PEAK1: variants seen among roughly 807,000 people sequenced by gnomAD.
PEAK1 encodes inactive tyrosine-protein kinase PEAK1.
PEAK1 carries 54 observed loss-of-function variants against 124.7 expected under a neutral mutation model. The ratio of observed to expected loss-of-function variants is 0.43; its 90% CI spans 0.35 to 0.54. The LOEUF is 0.54. PEAK1 is among the 20% of genes least tolerant of loss of function. The probability of loss-of-function intolerance (pLI) is 0.01; values close to 1 mark genes in which losing one functional copy is unlikely to be tolerated. For missense variants in PEAK1, 2,046 were observed against 2,134.5 expected, an observed-to-expected ratio of 0.96 and a Z score of 0.82; for synonymous variants, 719 against 760.0, an observed-to-expected ratio of 0.95 and a Z score of 0.89.
intron 2 of PEAK1, chr15:77,348,428 T>C (rs1406363719): frequency 2.1e-6 from 2 of 930,748 alleles, no homozygotes; most frequent in Non-Finnish European, 2.6e-6. Flanking sequence ...AAAAAACAGC[T>C]GATTTTTTAA....
intron 1 of PEAK1, among the ~76,000 whole-genome samples, chr15:77,414,207 CTTTTT>C (rs71145827): frequency 3.8e-4 from 26 of 67,918 alleles, no homozygotes; most frequent in African/African-American, 1.1e-3. Context: ...TTCTTTCCTT[CTTTTT>C]TTTTTTTTTT....
intron 5 of PEAK1, among the ~76,000 whole-genome samples, chr15:77,253,572 ATATC>A (rs1488392489): frequency 9.8e-5 from 15 of 152,326 alleles, no homozygotes; most frequent in African/African-American, 3.6e-4. Context: ...TTAACAATAA[ATATC>A]TAAGTTTTTA....
At chr15:77,213,220 A>G (rs1187813685) in intron 6 of PEAK1, among the ~76,000 whole-genome samples, 1 of 152,150 alleles carries the variant, frequency 6.6e-6, no homozygotes, top group African/African-American at 2.4e-5. Flanking sequence ...GAATCAAGGT[A>G]AAATAAAAAA....
intron 2 of PEAK1, among the ~76,000 whole-genome samples, chr15:77,298,187 G>T (rs1597171360): frequency 2.0e-5 from 2 of 101,266 alleles, no homozygotes; most frequent in Middle Eastern, 5.0e-3. Flanking sequence ...TCTTTTGTTT[G>T]GTATCCTTAA....
At chr15:77,266,049 C>T (rs905294869) in intron 5 of PEAK1, among the ~76,000 whole-genome samples, 1 of 150,402 alleles carries the variant, frequency 6.6e-6, no homozygotes, top group Non-Finnish European at 1.5e-5. Context: ...GGGAACTGAA[C>T]AATGAGAACA....
intron 6 of PEAK1, among the ~76,000 whole-genome samples, chr15:77,243,975 A>G (rs2060468344): frequency 6.9e-6 from 1 of 144,888 alleles, no homozygotes; most frequent in Non-Finnish European, 1.5e-5. Flanking sequence ...TCTCAAAATA[A>G]AAAAAAAAAA....
At chr15:77,251,535 TCAAAAAATAACAC>T (rs1353828064) in intron 6 of PEAK1, among the ~76,000 whole-genome samples, 4 of 152,058 alleles carry the variant, frequency 2.6e-5, no homozygotes, top group Non-Finnish European at 5.9e-5. Context: ...GAAATAAAGT[TCAAAAAATAACAC>T]CAAAAAATCC....
rs373080741 is a variant in PEAK1 at position 77,297,890 on chromosome 15, C to T, written c.-602-11386G>A. On this transcript the variant is annotated intron_variant, in intron 2 of 9. Coordinates refer to ENST00000682557, the MANE Select transcript of PEAK1 (RefSeq NM_001385026.1). The stretch of plus-strand genomic sequence containing the variant: ...TGGCTAACAAGGTGAAACCCCGTCT[C>T]TACTAAAAATACAAAAAATTAGCCG... Among the ~76,000 whole-genome samples the T allele has an allele frequency of 2.1e-4, 31 of 149,542 alleles. No homozygotes were observed. The East Asian group carries it at 6.0e-3, about 29-fold the overall frequency.
chr15:77,292,655 A>T (rs1316232996), intron 2 of PEAK1, among the ~76,000 whole-genome samples: 1 of 152,170 alleles, frequency 6.6e-6, no homozygotes, highest in Non-Finnish European at 1.5e-5. Context: ...AAATTTTTTT[A>T]CCACTCCGAG....
chr15:77,334,963 T>C (rs918357784), intron 2 of PEAK1: 6 of 985,244 alleles, frequency 6.1e-6, no homozygotes, highest in African/African-American at 1.7e-5. Flanking sequence ...TCTCAACAGA[T>C]TGCTAGTTGA....
intron 6 of PEAK1, among the ~76,000 whole-genome samples, chr15:77,251,140 C>T (rs1051633102): frequency 1.3e-5 from 2 of 152,002 alleles, no homozygotes; most frequent in Non-Finnish European, 2.9e-5. Flanking sequence ...TAGTAGAAAT[C>T]CAATGATTAA....
At chr15:77,393,397 G>A (rs1221111712) in intron 1 of PEAK1, among the ~76,000 whole-genome samples, 1 of 152,204 alleles carries the variant, frequency 6.6e-6, no homozygotes, top group Non-Finnish European at 1.5e-5. Flanking sequence ...CTTTTGAGAA[G>A]AAAGGGAAGA....
intron 6 of PEAK1, among the ~76,000 whole-genome samples, chr15:77,209,609 T>G (rs544888666): frequency 6.6e-6 from 1 of 152,280 alleles, no homozygotes; most frequent in East Asian, 1.9e-4. Context: ...AAGTCACAAA[T>G]TCCTTCTGCC....
chr15:77,311,931 A>G (rs574463263), intron 2 of PEAK1, among the ~76,000 whole-genome samples: 1 of 152,170 alleles, frequency 6.6e-6, no homozygotes, highest in African/African-American at 2.4e-5. Context: ...AAGATTTTAA[A>G]GTGCCTTTAG....
chr15:77,195,372 G>A (rs562085772), intron 6 of PEAK1, among the ~76,000 whole-genome samples: 1 of 152,184 alleles, frequency 6.6e-6, no homozygotes, highest in South Asian at 2.1e-4. Context: ...ATGAGGTGGG[G>A]AGGAGATGAG....
At chr15:77,311,702 A>G (rs1043086701) in intron 2 of PEAK1, among the ~76,000 whole-genome samples, 34 of 150,686 alleles carry the variant, frequency 2.3e-4, no homozygotes, top group African/African-American at 5.2e-4. Flanking sequence ...AAAAAAAAAA[A>G]AAAAGAAAAA....
In PEAK1 at chr15:77,338,722, T is replaced by G. The variant is rs868739341; in HGVS notation, c.-603+26441A>C. ...CTACAAAATGAATCCCACAATAAAA[T>G]TTAAAGATATGTCTTTAAAGGATTG... On this transcript the variant is annotated intron_variant, in intron 2 of 9. Transcript: ENST00000682557. Among the ~76,000 whole-genome samples, 13 of 151,570 alleles carry G rather than the reference T, an allele frequency of 8.6e-5. No homozygotes were observed. The South Asian group carries it at 2.7e-3, about 32-fold the overall frequency.
At chr15:77,222,487 A>G (rs2152880858) in intron 6 of PEAK1, among the ~76,000 whole-genome samples, 1 of 152,158 alleles carries the variant, frequency 6.6e-6, no homozygotes. Context: ...AGGAATTTTC[A>G]TTTTATTTTG....
Position 77,181,842 on chromosome 15 carries a change from G to T in PEAK1, c.85C>A (p.Leu29Ile). The change falls in exon 7 of 10, where the codon CTT becomes ATT. Residue 29 changes from leucine (L) to isoleucine (I), a missense_variant. Physicochemically the swap from Leu to Ile is conservative, Grantham distance 5. Transcript: ENST00000682557. ...NCFKPKSLHQLPPDPEKAPIT... is the reference protein window; with the variant it reads ...NCFKPKSLHQIPPDPEKAPIT... ...GGTGCCTTCTCAGGGTCTGGGGGAAGCTGGTGCAAACTTTTAGGTTTAAAG... is the reference window on the plus strand; with the variant it reads ...GGTGCCTTCTCAGGGTCTGGGGGAATCTGGTGCAAACTTTTAGGTTTAAAG... 6.2e-7 allele frequency: 1 copy of T among 1,613,654 alleles called. No individual in the cohort carries two copies.
Sources: allele counts gnomAD v4.1 joint callset (sites outside exome capture counted in the v4.1 genomes callset), GRCh38; gene constraint gnomAD v4.1.1; transcripts MANE v1.5; gene names NCBI Gene and HGNC (gene_info 2026-07-23, HGNC 2026-07-21).